TRAF3IP3: variants seen among roughly 807,000 people sequenced by gnomAD.
The protein encoded by TRAF3IP3 is TRAF3-interacting JNK-activating modulator.
Under a neutral mutation model 86.5 loss-of-function variants are expected in TRAF3IP3, and 64 were observed. The ratio of observed to expected loss-of-function variants is 0.74; its 90% CI spans 0.60 to 0.91. The LOEUF is 0.91. TRAF3IP3 is among the 40% of genes least tolerant of loss of function. The pLI is 0.00. For missense variants in TRAF3IP3, 579 were observed against 642.9 expected (o/e 0.90, Z 1.07); for synonymous variants, 220 against 243.9 (o/e 0.90, Z 0.91).
At chr1:209,765,105 G>A (rs1198580712) in intron 8 of TRAF3IP3, among the ~76,000 whole-genome samples, 1 of 151,756 alleles carries the variant, frequency 6.6e-6, no homozygotes, top group Non-Finnish European at 1.5e-5. Context: ...AGCCCAGGAA[G>A]TGGAGGTTGC....
intron 8 of TRAF3IP3, among the ~76,000 whole-genome samples, chr1:209,764,730 C>T (rs4844491): frequency 0.046 from 6,031 of 130,364 alleles, 567 homozygotes; most frequent in East Asian, 0.31. Context: ...GACAAAAGAG[C>T]GAGACTCCAT....
At chr1:209,775,844 G>C in intron 11 of TRAF3IP3, 108 bp downstream of exon 11, 3 of 1,079,530 alleles carry the variant, frequency 2.8e-6, no homozygotes, top group Non-Finnish European at 4.0e-6. Flanking sequence ...ACAGCATCTG[G>C]CTTTCAGTTC....
At chr1:209,762,992 A>G (rs2077273979) in intron 5 of TRAF3IP3, 76 bp from the exon 6 acceptor site, 3 of 1,593,952 alleles carry the variant, frequency 1.9e-6, no homozygotes, top group Non-Finnish European at 1.7e-6. Context: ...CTGGCTCTTC[A>G]GAAGGAATCA....
chr1:209,775,800 A>G (rs1473599341), intron 11 of TRAF3IP3, 64 bp downstream of exon 11: 2 of 1,510,446 alleles, frequency 1.3e-6, no homozygotes, highest in African/African-American at 2.8e-5. Context: ...TGATGAAAGA[A>G]GCTGTTCTGG....
In TRAF3IP3 at chr1:209,775,729, A is replaced by G; in HGVS notation, c.1046A>G (p.Lys349Arg). 6.2e-7 allele frequency: 1 copy of G among 1,611,288 alleles called. No homozygotes were observed. Among genetic ancestry groups the G allele is most frequent in the Middle Eastern group, 1.8e-4 (1 of 5,692 alleles). Residue 349 changes from lysine to arginine, a missense_variant, in exon 11 of 17, where the codon AAA becomes AGA. By Grantham distance (26) the Lys-to-Arg change is conservative. Transcript: ENST00000367025. ...LESQLHVLQS[K>R]LQGADSRDLQ... Reference sequence around the variant, plus strand: ...AGCCAACTCCACGTGCTTCAGTCCAAACTGCAGGTACCAGGCACTGGGGGT... The same window carrying G: ...AGCCAACTCCACGTGCTTCAGTCCAGACTGCAGGTACCAGGCACTGGGGGT...
chr1:209,759,474 C>T (rs2102426655), intron 2 of TRAF3IP3, among the ~76,000 whole-genome samples: 1 of 152,322 alleles, frequency 6.6e-6, no homozygotes, highest in Admixed American at 6.5e-5. Flanking sequence ...CCTCCAGATC[C>T]TTGAGAAGTG....
intron 8 of TRAF3IP3, among the ~76,000 whole-genome samples, chr1:209,765,259 A>C (rs2077333389): frequency 6.8e-6 from 1 of 146,214 alleles, no homozygotes; most frequent in Non-Finnish European, 1.5e-5. Flanking sequence ...GGAAGGAAGG[A>C]AGGAAGGAAG....
chr1:209,757,632 G>A (rs1364150431), intron 1 of TRAF3IP3, among the ~76,000 whole-genome samples: 1 of 152,192 alleles, frequency 6.6e-6, no homozygotes, highest in African/African-American at 2.4e-5. Flanking sequence ...CAAAGAGAGA[G>A]AGGGTTGAGA....
chr1:209,768,507 G>C, intron 8 of TRAF3IP3: 1 of 985,592 alleles, frequency 1.0e-6, no homozygotes, highest in Non-Finnish European at 1.2e-6. Context: ...GCGCAGCGGG[G>C]ATTGGCTGAA....
chr1:209,776,642 A>C (rs1313817259), intron 11 of TRAF3IP3: 1 of 111,396 alleles, frequency 9.0e-6, no homozygotes, highest in Non-Finnish European at 1.9e-5. Context: ...TGGAAAAAAA[A>C]AGACCCTAAC....
chr1:209,781,578 C>A, intron 16 of TRAF3IP3, 120 bp downstream of exon 16: 1 of 696,090 alleles, frequency 1.4e-6, no homozygotes, highest in Non-Finnish European at 2.5e-6. Context: ...TCCCACTGTG[C>A]TTGGTTTATA....
In TRAF3IP3 at chr1:209,762,499, C is replaced by A; in HGVS notation, c.346-16C>A. Reference sequence around the variant, plus strand: ...CTCCAGGCAGTGGTTTTCAGCATTCCCCACTTGCCTTCCAGGTGACAGGCA... The same window carrying A: ...CTCCAGGCAGTGGTTTTCAGCATTCACCACTTGCCTTCCAGGTGACAGGCA... On this transcript the variant is annotated splice_polypyrimidine_tract_variant and intron_variant, in intron 3 of 16. Coordinates refer to ENST00000367025, the MANE Select transcript of TRAF3IP3 (RefSeq NM_025228.4). 4 of 1,443,666 alleles carry A rather than the reference C, an allele frequency of 2.8e-6. No individual in the cohort carries two copies. Among genetic ancestry groups the A allele is most frequent in the Non-Finnish European group, 3.7e-6 (4 of 1,094,798 alleles). 89.4% of individuals were successfully genotyped at this position (1,443,666 alleles called of 1,614,324 possible). A position where few individuals can be genotyped will look rare whatever the true frequency, so the allele number is the denominator to read the frequency against.
At chr1:209,765,000 C>A (rs897559584) in intron 8 of TRAF3IP3, among the ~76,000 whole-genome samples, 3 of 152,022 alleles carry the variant, frequency 2.0e-5, no homozygotes, top group Admixed American at 2.0e-4. Context: ...CATGGCAAAA[C>A]CCTGTCTCTA....
intron 8 of TRAF3IP3, chr1:209,768,195 C>A: frequency 1.3e-5 from 13 of 985,380 alleles, no homozygotes; most frequent in Non-Finnish European, 1.6e-5. Context: ...TTTATTTTTG[C>A]CATTTGACCT....
chr1:209,779,606 G>A (rs904882473), intron 14 of TRAF3IP3: 82 of 650,034 alleles, frequency 1.3e-4, no homozygotes, highest in Non-Finnish European at 3.9e-5. Flanking sequence ...TATTCTCTCT[G>A]AAAGCACATG....
At position 209,781,443 on chromosome 1, in the gene TRAF3IP3, G is replaced by A. The variant is rs2077778147; in HGVS notation, c.1548G>A (p.Gln516=). Residue 516 remains glutamine (Q), a synonymous_variant, in exon 16 of 17, where the codon CAG becomes CAA. Transcript: ENST00000367025. ...GTCGAGAAGAGCTGAACCAGAGCCA[G>A]CAGCTGCCTCCCAGAGTAAGAGGGT... is the stretch of plus-strand genomic sequence containing the variant. ...QHCREELNQS[Q]QLPPRRQCGR... 3 of 1,612,800 alleles carry A rather than the reference G, an allele frequency of 1.9e-6. No individual in the cohort carries two copies. The highest frequency in any genetic ancestry group is 1.7e-5 in the Admixed American group (1 of 59,940).
At chr1:209,775,207 C>A in intron 9 of TRAF3IP3, 142 bp from the exon 10 acceptor site, 5 of 772,284 alleles carry the variant, frequency 6.5e-6, no homozygotes, top group Non-Finnish European at 1.1e-5. Context: ...CTTGCTAGCT[C>A]TACCCTAAAA....
In TRAF3IP3 at chr1:209,779,772, T is replaced by C. The variant is rs189476652; in HGVS notation, c.1312+398T>C. On this transcript the variant is annotated intron_variant, in intron 14 of 16. Transcript: ENST00000367025. ...TTAGCCCTAGAGAGTCTACTGTCCA[T>C]GTTTCCTGAGAATTCACTGTGTATA... 5.0e-3 allele frequency: 2,489 copies of C among 493,720 alleles called. 152 individuals are homozygous for C. The Admixed American group carries it at 0.087, about 17-fold the overall frequency. The allele number at this position is 493,720 out of a possible 1,614,324, so 30.6% of individuals were successfully genotyped here. A position where few individuals can be genotyped will look rare whatever the true frequency, so the allele number is the denominator to read the frequency against.
chr1:209,780,023 G>A (rs2077742751), intron 14 of TRAF3IP3: 1 of 157,606 alleles, frequency 6.3e-6, no homozygotes, highest in South Asian at 2.0e-4. Flanking sequence ...AGACTGCAGG[G>A]TGGCTAAAAA....
Sources: gnomAD v4.1 joint callset for allele counts (sites outside exome capture counted in the v4.1 genomes callset) on GRCh38, gnomAD v4.1.1 for gene constraint, MANE v1.5 for transcripts, NCBI Gene and HGNC (gene_info 2026-07-23, HGNC 2026-07-21) for gene names.